CDH8: variants seen among roughly 807,000 people sequenced by gnomAD.
CDH8 encodes the protein cadherin-8.
In CDH8, 17 loss-of-function variants were observed where a neutral mutation model predicts 68.1. The observed-to-expected ratio is 0.25, with a 90% CI of 0.17 to 0.37. The LOEUF (loss-of-function observed/expected upper bound fraction) is 0.37. Ranked by LOEUF, CDH8 falls within the 10% of genes least tolerant of loss-of-function variation. The pLI, the probability that CDH8 is intolerant of heterozygous loss-of-function variation, is 1.00. For synonymous variants in CDH8, 372 were observed against 365.1 expected (o/e 1.02, Z -0.21); for missense variants, 763 against 999.3 (o/e 0.76, Z 3.19).
At chr16:61,924,112 T>G (rs1361869565) in intron 2 of CDH8, among the ~76,000 whole-genome samples, 1 of 151,940 alleles carries the variant, frequency 6.6e-6, no homozygotes, top group Non-Finnish European at 1.5e-5. Context: ...CAAAAAGTTA[T>G]TCCTTTCTGT....
At chr16:61,823,856 C>T (rs992576073) in intron 5 of CDH8, among the ~76,000 whole-genome samples, 9 of 151,892 alleles carry the variant, frequency 5.9e-5, no homozygotes, top group Non-Finnish European at 8.8e-5. Flanking sequence ...CATTCCCATA[C>T]ATGGCTGTAC....
Position 62,021,286 on chromosome 16 carries a change from T to C in CDH8, c.118A>G (p.Ser40Gly). Residue 40 changes from serine (S) to glycine (G), a missense_variant, in exon 2 of 12, where the codon AGT (serine) becomes GGT (glycine). Coordinates refer to ENST00000577390, the MANE Select transcript of CDH8 (RefSeq NM_001796.5). ...APMNQSQVLM[S>G]GSPLELNSLG... ...CTGTTTAGTTCCAAAGGGGATCCAC[T>C]CATTAAAACTTGAGACTGATTCATC... is the stretch of plus-strand genomic sequence containing the variant. 1 of 1,613,948 alleles carries C rather than the reference T, an allele frequency of 6.2e-7. No homozygotes were observed. Among genetic ancestry groups the C allele is most frequent in the Non-Finnish European group, 8.5e-7 (1 of 1,179,922 alleles).
At chr16:61,879,189 T>A (rs1397129) in intron 3 of CDH8, among the ~76,000 whole-genome samples, 29,402 of 151,638 alleles carry the variant, frequency 0.19, 3,240 homozygotes, top group African/African-American at 0.3. Flanking sequence ...GACAACAATT[T>A]AAAAAAAATT....
At chr16:61,762,749 T>C (rs2142973778) in intron 8 of CDH8, among the ~76,000 whole-genome samples, 1 of 152,262 alleles carries the variant, frequency 6.6e-6, no homozygotes, top group South Asian at 2.1e-4. Context: ...TATGAATAAA[T>C]AGTATTAAAT....
intron 2 of CDH8, among the ~76,000 whole-genome samples, chr16:62,011,193 C>T (rs1901804242): frequency 6.6e-6 from 1 of 152,130 alleles, no homozygotes; most frequent in Admixed American, 6.5e-5. Flanking sequence ...TCCATGGAAG[C>T]CCAGTGACAT....
chr16:62,018,631 G>C (rs551149992), intron 2 of CDH8, among the ~76,000 whole-genome samples: 1 of 152,288 alleles, frequency 6.6e-6, no homozygotes, highest in East Asian at 1.9e-4. Context: ...TAATTCAGGA[G>C]CATTTTTCTT....
chr16:61,821,440 T>C (rs1056869630), intron 5 of CDH8, among the ~76,000 whole-genome samples: 1 of 152,074 alleles, frequency 6.6e-6, no homozygotes, highest in Non-Finnish European at 1.5e-5. Context: ...TATTTTTTCC[T>C]TTTTGCTGTA....
chr16:61,683,541 A>G (rs1398346967), intron 10 of CDH8, among the ~76,000 whole-genome samples: 1 of 152,014 alleles, frequency 6.6e-6, no homozygotes, highest in Non-Finnish European at 1.5e-5. Context: ...TTGTCTGACA[A>G]GCCTGTTGAA....
chr16:61,932,956 C>T (rs1041483534), intron 2 of CDH8, among the ~76,000 whole-genome samples: 1 of 152,050 alleles, frequency 6.6e-6, no homozygotes, highest in Non-Finnish European at 1.5e-5. Flanking sequence ...TCCAGGAAGC[C>T]GTTGGACACA....
intron 2 of CDH8, among the ~76,000 whole-genome samples, chr16:61,906,462 G>T (rs923889535): frequency 6.6e-6 from 1 of 152,296 alleles, no homozygotes; most frequent in East Asian, 1.9e-4. Flanking sequence ...TATACAGTAA[G>T]CCTTCAATTT....
At position 61,815,168 on chromosome 16, in the gene CDH8, T is replaced by C. The variant is rs191673440; in HGVS notation, c.1277+2311A>G. 1.1e-3 allele frequency among the ~76,000 whole-genome samples: 163 copies of C among 152,280 alleles called. 2 individuals carry two copies. The highest frequency in any genetic ancestry group is 9.7e-4 in the East Asian group (5 of 5,176). On this transcript the variant is annotated intron_variant, in intron 7 of 11. Transcript: ENST00000577390. ...GCTTTATCTGTCCATCTCTTCCTGG[T>C]AAAAACAGTCTCAAATCCCCTTTAG...
intron 2 of CDH8, chr16:61,918,350 C>G: frequency 6.4e-6 from 1 of 156,726 alleles, no homozygotes. Flanking sequence ...GTCTACAGCT[C>G]CCAGCGTGAG....
intron 2 of CDH8, among the ~76,000 whole-genome samples, chr16:62,015,698 GA>G (rs920798668): frequency 6.6e-6 from 1 of 152,278 alleles, no homozygotes; most frequent in East Asian, 1.9e-4. Context: ...ATGGTATTAA[GA>G]GATGGGTCTA....
chr16:61,752,581 C>G (rs1960196011), intron 8 of CDH8, among the ~76,000 whole-genome samples: 4 of 152,186 alleles, frequency 2.6e-5, no homozygotes, highest in Admixed American at 6.5e-5. Flanking sequence ...CTCAGAATAT[C>G]TGCAAGCATT....
intron 2 of CDH8, among the ~76,000 whole-genome samples, chr16:62,011,083 T>A (rs1274668507): frequency 6.6e-6 from 1 of 152,166 alleles, no homozygotes; most frequent in Non-Finnish European, 1.5e-5. Context: ...TTCTTAGGAT[T>A]AGGGAGAAAT....
chr16:61,920,316 A>G (rs1186726900), intron 2 of CDH8, among the ~76,000 whole-genome samples: 1 of 136,760 alleles, frequency 7.3e-6, no homozygotes, highest in Non-Finnish European at 1.6e-5. Flanking sequence ...GTGAACAGGC[A>G]ACCTACAAAA....
intron 2 of CDH8, among the ~76,000 whole-genome samples, chr16:61,997,337 G>A (rs1397783419): frequency 6.6e-6 from 1 of 152,098 alleles, no homozygotes. Flanking sequence ...CCATCGAAGA[G>A]ATCCCATATA....
chr16:61,953,741 T>C (rs112160259), intron 2 of CDH8, among the ~76,000 whole-genome samples: 4,548 of 151,234 alleles, frequency 0.03, 232 homozygotes, highest in African/African-American at 0.1. Flanking sequence ...TGGTGGCACA[T>C]ATCTGTAGTT....
chr16:61,762,563 G>A (rs80152330), intron 8 of CDH8, among the ~76,000 whole-genome samples: 5 of 152,108 alleles, frequency 3.3e-5, no homozygotes, highest in East Asian at 3.9e-4. Flanking sequence ...TGCAGTATGA[G>A]TGTTGCTTAG....
Sources: gnomAD v4.1 joint callset for allele counts (sites outside exome capture counted in the v4.1 genomes callset) on GRCh38, gnomAD v4.1.1 for gene constraint, MANE v1.5 for transcripts, NCBI Gene and HGNC (gene_info 2026-07-23, HGNC 2026-07-21) for gene names.